The following ENPP2 variants were observed in gnomAD, a reference collection of about 807,000 sequenced individuals.
The protein encoded by ENPP2 is ectonucleotide pyrophosphatase/phosphodiesterase 2.
ENPP2 carries 51 observed loss-of-function variants against 120.2 expected under a neutral mutation model. The observed-to-expected ratio is 0.42, with a 90% CI of 0.34 to 0.54. The LOEUF (loss-of-function observed/expected upper bound fraction) is 0.54. Among genes scored for constraint, ENPP2 ranks in the 20% least tolerant of loss-of-function variants. ENPP2 has a pLI of 0.04. For synonymous variants in ENPP2, 365 were observed against 366.4 expected (o/e 1.00, Z 0.04); for missense variants, 920 against 1,066.5 (o/e 0.86, Z 1.91).
At position 119,564,910 on chromosome 8, in the gene ENPP2, G is replaced by A. The variant is rs16892767; in HGVS notation, c.2177C>T (p.Ser726Leu). The A allele has an allele frequency of 6.8e-3, 10,972 of 1,612,664 alleles. 310 individuals carry two copies. The African/African-American group carries it at 0.081, about 12-fold the overall frequency. The change falls in exon 23 of 25, where the codon TCG becomes TTG. Residue 726 changes from serine (S) to leucine (L), a missense_variant. Ser to Leu is a moderately radical substitution (Grantham distance 145, BLOSUM62 -2). Transcript: ENST00000075322. ...FQRVLVKKYA[S>L]ERNGVNVISG... Reference sequence around the variant, plus strand: ...TATCACGTTAACTCCATTTCTTTCCGAAGCATATTTCTTCACCAATACCCT... The same window carrying A: ...TATCACGTTAACTCCATTTCTTTCCAAAGCATATTTCTTCACCAATACCCT...
At chr8:119,585,698 T>C (rs751862815) in intron 15 of ENPP2, among the ~76,000 whole-genome samples, 2 of 152,146 alleles carry the variant, frequency 1.3e-5, no homozygotes, top group Non-Finnish European at 2.9e-5. Flanking sequence ...TGTAGTTCAA[T>C]AGAAGGCAAA....
In ENPP2 at chr8:119,564,921, C is replaced by T; in HGVS notation, c.2166G>A (p.Lys722=). 8 of 1,613,378 alleles carry T rather than the reference C, an allele frequency of 5.0e-6. No individual in the cohort carries two copies. Among genetic ancestry groups the T allele is most frequent in the Non-Finnish European group, 6.8e-6 (8 of 1,179,480 alleles). Residue 722 remains lysine, a synonymous_variant, in exon 23 of 25, where the codon AAG becomes AAA. Transcript: ENST00000075322. ...CTCCATTTCTTTCCGAAGCATATTT[C>T]TTCACCAATACCCTTTGGAAATAAT... The part of the protein sequence containing the change: ...VWNYFQRVLV[K]KYASERNGVN...
intron 14 of ENPP2, 149 bp from the exon 15 acceptor site, chr8:119,586,462 T>C (rs1335495443): frequency 4.5e-6 from 3 of 669,514 alleles, no homozygotes; most frequent in Non-Finnish European, 7.6e-6. Context: ...AAATAATGTA[T>C]GCTGAAAACA....
intron 19 of ENPP2, among the ~76,000 whole-genome samples, chr8:119,577,827 G>T (rs1442784668): frequency 2.0e-5 from 3 of 152,080 alleles, no homozygotes; most frequent in Admixed American, 2.0e-4. Flanking sequence ...TATCCATGAG[G>T]GTTTGTTTCC....
At chr8:119,618,861 G>T (rs1001058652) in intron 5 of ENPP2, among the ~76,000 whole-genome samples, 3 of 151,930 alleles carry the variant, frequency 2.0e-5, no homozygotes, top group Non-Finnish European at 2.9e-5. Context: ...CAGTTTTAAA[G>T]GTTCTCAGGA....
intron 11 of ENPP2, among the ~76,000 whole-genome samples, chr8:119,597,464 T>A (rs1813978060): frequency 6.6e-6 from 1 of 152,286 alleles, no homozygotes. Context: ...TCGCATGTAT[T>A]TCCTTCTTCA....
chr8:119,603,654 T>A (rs548178603), intron 9 of ENPP2, among the ~76,000 whole-genome samples: 75 of 152,310 alleles, frequency 4.9e-4, no homozygotes, highest in Non-Finnish European at 7.6e-4. Context: ...TTTAGAATAG[T>A]GCTGGGCACA....
intron 22 of ENPP2, among the ~76,000 whole-genome samples, chr8:119,566,392 C>A (rs1814445762): frequency 1.3e-5 from 2 of 152,200 alleles, no homozygotes; most frequent in Non-Finnish European, 2.9e-5. Flanking sequence ...AAGCACCTGG[C>A]CATGCTTCTC....
intron 14 of ENPP2, among the ~76,000 whole-genome samples, 166 bp from the exon 15 acceptor site, chr8:119,586,479 T>C (rs1390719977): frequency 1.3e-5 from 2 of 152,280 alleles, no homozygotes; most frequent in African/African-American, 4.8e-5. Flanking sequence ...AACAAATAGA[T>C]TCAAAAGAGA....
intron 17 of ENPP2, 151 bp downstream of exon 17, chr8:119,583,566 T>A: frequency 3.5e-6 from 2 of 570,330 alleles, no homozygotes; most frequent in Non-Finnish European, 6.3e-6. Flanking sequence ...TAATATTCTG[T>A]CTTTGAACCA....
In ENPP2 at chr8:119,582,406, G is replaced by T. The variant is rs1390198281; in HGVS notation, c.1728+12C>A. 1.2e-6 allele frequency: 2 copies of T among 1,608,434 alleles called. No individual in the cohort carries two copies. Among genetic ancestry groups the T allele is most frequent in the Admixed American group, 1.7e-5 (1 of 59,720 alleles). On this transcript the variant is annotated intron_variant, in intron 18 of 24. Transcript: ENST00000075322. ...CAAACTTCTCCATAATAAACATAAA[G>T]ATTATTTCTACCTTTGGCTCTACCT...
At chr8:119,588,345 T>C (rs758737757) in intron 13 of ENPP2, among the ~76,000 whole-genome samples, 26 of 151,810 alleles carry the variant, frequency 1.7e-4, no homozygotes, top group Non-Finnish European at 3.1e-4. Context: ...CTGGCTAACA[T>C]GGTGAAATCC....
chr8:119,666,763 A>C (rs943793387), intron 1 of ENPP2, among the ~76,000 whole-genome samples: 2 of 143,654 alleles, frequency 1.4e-5, no homozygotes, highest in East Asian at 4.1e-4. Flanking sequence ...CTGGGCAAAA[A>C]GAGCAAAACT....
At chr8:119,583,168 C>G (rs1364733559) in intron 17 of ENPP2, among the ~76,000 whole-genome samples, 1 of 152,070 alleles carries the variant, frequency 6.6e-6, no homozygotes, top group Non-Finnish European at 1.5e-5. Flanking sequence ...AGCTCAGAGG[C>G]AGGACAGGGG....
intron 13 of ENPP2, among the ~76,000 whole-genome samples, chr8:119,588,308 T>C (rs959473893): frequency 6.6e-6 from 1 of 151,866 alleles, no homozygotes; most frequent in African/African-American, 2.4e-5. Flanking sequence ...GGTGGGTGGA[T>C]CACAAGTTCA....
At chr8:119,668,487 T>G (rs1818145196) in intron 1 of ENPP2, among the ~76,000 whole-genome samples, 1 of 147,020 alleles carries the variant, frequency 6.8e-6, no homozygotes, top group Admixed American at 7.1e-5. Flanking sequence ...TGGAGTGCAG[T>G]GGTGCAATCT....
chr8:119,568,318 G>T, intron 21 of ENPP2, 66 bp from the exon 22 acceptor site: 1 of 830,746 alleles, frequency 1.2e-6, no homozygotes, highest in South Asian at 1.5e-5. Context: ...AAAAAAAAAG[G>T]GAGAGGGGGG....
chr8:119,606,719 T>G (rs759035519), intron 9 of ENPP2, among the ~76,000 whole-genome samples: 2 of 152,112 alleles, frequency 1.3e-5, no homozygotes, highest in Non-Finnish European at 2.9e-5. Flanking sequence ...CTACTTTTAT[T>G]TCTGATTTTA....
chr8:119,665,889 G>C (rs921557602), intron 1 of ENPP2, among the ~76,000 whole-genome samples: 1 of 152,110 alleles, frequency 6.6e-6, no homozygotes, highest in Non-Finnish European at 1.5e-5. Context: ...ATAAATGTTT[G>C]TCTTGGGAGT....
Sources: gnomAD v4.1 joint callset for allele counts (sites outside exome capture counted in the v4.1 genomes callset) on GRCh38, gnomAD v4.1.1 for gene constraint, MANE v1.5 for transcripts, NCBI Gene and HGNC (gene_info 2026-07-23, HGNC 2026-07-21) for gene names.